BTD: variants seen among roughly 807,000 people sequenced by gnomAD.
BTD encodes biotinidase.
In BTD, 13 loss-of-function variants were observed where a neutral mutation model predicts 17.7. That is an observed-to-expected ratio of 0.74 (90% CI 0.48 to 1.17). BTD has a LOEUF of 1.17. Ranked by LOEUF, BTD falls within the 50% of genes most tolerant of loss-of-function variation. The pLI is 0.00. For synonymous variants in BTD, 240 were observed against 245.2 expected (o/e 0.98, Z 0.20); for missense variants, 674 against 650.4 (o/e 1.04, Z -0.39).
chr3:15,678,039 C>A (rs563002727), intron 3 of BTD, among the ~76,000 whole-genome samples: 1 of 152,198 alleles, frequency 6.6e-6, no homozygotes, highest in East Asian at 1.9e-4. Context: ...ATAGTCAGGG[C>A]AAACTAAAAC....
chr3:15,676,698 ATAG>A lies in BTD; in HGVS notation c.400-33359_400-33357del, dbSNP rs2066975592. ...AGTTGATTTCCACAGAATACACAAA[ATAG>A]TACTACTTTCCTTCAGAAAATTAGG... On this transcript the variant is annotated intron_variant, in intron 3 of 3. Transcript: ENST00000672141. The A allele has an allele frequency of 3.1e-5, 9 of 293,644 alleles. No individual in the cohort carries two copies. The South Asian group carries it at 3.8e-4, about 12-fold the overall frequency. The allele number at this position is 293,644 out of a possible 1,614,324, so 18.2% of individuals were successfully genotyped here. A position where few individuals can be genotyped will look rare whatever the true frequency, so the allele number is the denominator to read the frequency against.
chr3:15,629,921 A>T, intron 1 of BTD: 1 of 460,260 alleles, frequency 2.2e-6, no homozygotes, highest in Non-Finnish European at 2.9e-6. Context: ...GAAGATAAAA[A>T]AATAATAATA....
In BTD at chr3:15,648,252, AGTG is replaced by A. The variant is rs2065739231; in HGVS notation, c.*2766_*2768del. Among the ~76,000 whole-genome samples, 1 of 133,134 alleles carries A rather than the reference AGTG, an allele frequency of 7.5e-6. No individual in the cohort carries two copies. Among genetic ancestry groups the A allele is most frequent in the African/African-American group, 2.8e-5 (1 of 35,466 alleles). 87.3% of individuals were successfully genotyped at this position (133,134 alleles called of 152,430 possible). On this transcript the variant is annotated 3_prime_UTR_variant, in exon 4 of 4. Coordinates refer to ENST00000643237, the MANE Select transcript of BTD (RefSeq NM_001370658.1). ...CACTCAAAGAACAATTTCTCAACAA[AGTG>A]GATTTATATAGGACAAAATAGGCAT...
chr3:15,631,103 A>G (rs1197464925), intron 1 of BTD, among the ~76,000 whole-genome samples: 27 of 152,250 alleles, frequency 1.8e-4, no homozygotes, highest in Admixed American at 1.8e-3. Flanking sequence ...CACGAAATTC[A>G]TGAGAATAAT....
At chr3:15,720,779 C>G in intron 4 of BTD, 1 of 812,288 alleles carries the variant, frequency 1.2e-6, no homozygotes, top group Non-Finnish European at 1.9e-6. Context: ...GGCTTTCACT[C>G]AGCATAATAT....
At chr3:15,627,242 C>T (rs1260105737) in intron 1 of BTD, among the ~76,000 whole-genome samples, 3 of 152,184 alleles carry the variant, frequency 2.0e-5, no homozygotes, top group African/African-American at 4.8e-5. Flanking sequence ...GCACCAGGAC[C>T]CATTTGCCTG....
At chr3:15,601,994 A>G in intron 1 of BTD, 100 bp downstream of exon 1, 2 of 1,555,154 alleles carry the variant, frequency 1.3e-6, no homozygotes, top group Middle Eastern at 2.4e-4. Context: ...GGGCTGCGCA[A>G]AGGCTGCCGG....
intron 3 of BTD, chr3:15,678,164 G>T: frequency 6.5e-7 from 1 of 1,540,150 alleles, no homozygotes; most frequent in Non-Finnish European, 8.8e-7. Context: ...ATACATAAGT[G>T]ATACACATAC....
chr3:15,642,768 TC>T (rs2065557883), intron 3 of BTD, among the ~76,000 whole-genome samples: 1 of 152,064 alleles, frequency 6.6e-6, no homozygotes, highest in Non-Finnish European at 1.5e-5. Flanking sequence ...GGCCTTGACA[TC>T]CTCTTTTTAA....
intron 3 of BTD, among the ~76,000 whole-genome samples, chr3:15,701,684 A>G (rs1007099782): frequency 1.3e-5 from 2 of 151,988 alleles, no homozygotes; most frequent in African/African-American, 4.8e-5. Context: ...AAAAGGTTAA[A>G]GTGGGTATCA....
At chr3:15,661,667 A>G (rs994582421) in intron 3 of BTD, among the ~76,000 whole-genome samples, 2 of 152,086 alleles carry the variant, frequency 1.3e-5, no homozygotes, top group Admixed American at 6.6e-5. Flanking sequence ...CTAGCTTATC[A>G]TTTTTCATGG....
intron 3 of BTD, among the ~76,000 whole-genome samples, chr3:15,700,907 A>T (rs1315447197): frequency 2.0e-5 from 3 of 152,212 alleles, no homozygotes; most frequent in Non-Finnish European, 4.4e-5. Flanking sequence ...TATTCATTTG[A>T]TACATGGAGA....
In BTD at chr3:15,665,572, CA is replaced by C. The variant is rs1278693035; in HGVS notation, c.399+23517del. On this transcript the variant is annotated intron_variant, in intron 3 of 3. Coordinates refer to the BTD transcript ENST00000672141. ...GGAACAGGAACAAAGGAAAGGCTAC[CA>C]AGCATTCCCATGGAAAAGTTGAAAC... 9.2e-5 allele frequency among the ~76,000 whole-genome samples: 14 copies of C among 152,310 alleles called. No individual in the cohort carries two copies. The East Asian group carries it at 2.7e-3, about 29-fold the overall frequency.
chr3:15,713,288 C>T (rs761903314), downstream of BTD, among the ~76,000 whole-genome samples: 7 of 152,060 alleles, frequency 4.6e-5, no homozygotes, highest in African/African-American at 7.2e-5. Flanking sequence ...ATCAAAACTG[C>T]GTTATTACTC....
rs182322913 is a variant in BTD at position 15,650,864 on chromosome 3, A to G, written c.*5376A>G. Among the ~76,000 whole-genome samples the G allele has an allele frequency of 4.4e-3, 671 of 152,168 alleles. 8 individuals carry two copies. Among genetic ancestry groups the G allele is most frequent in the South Asian group, 0.015 (73 of 4,818 alleles). ...GGCTCACTGCAAGCTCTGCCTCCCG[A>G]GTTCAAGCGATTCTCCTGCCTCAGC... is the stretch of plus-strand genomic sequence containing the variant. On this transcript the variant is annotated 3_prime_UTR_variant, in exon 4 of 4. Transcript: ENST00000643237.
chr3:15,629,213 A>G (rs867879272), intron 1 of BTD, among the ~76,000 whole-genome samples: 63 of 152,120 alleles, frequency 4.1e-4, no homozygotes, highest in African/African-American at 1.4e-3. Context: ...AATAGGAGTC[A>G]GAATATAGGA....
intron 3 of BTD, among the ~76,000 whole-genome samples, chr3:15,664,283 T>A (rs1370727328): frequency 2.0e-5 from 3 of 152,234 alleles, no homozygotes; most frequent in Non-Finnish European, 4.4e-5. Flanking sequence ...GGTTTTTGCC[T>A]CACATACTTT....
chr3:15,621,410 AT>A (rs1379624426), intron 1 of BTD, among the ~76,000 whole-genome samples: 1 of 152,178 alleles, frequency 6.6e-6, no homozygotes, highest in African/African-American at 2.4e-5. Flanking sequence ...ATAGTAGAGA[AT>A]TGGTATAATT....
downstream of BTD, among the ~76,000 whole-genome samples, chr3:15,714,840 T>C (rs1006837094): frequency 6.6e-6 from 1 of 152,144 alleles, no homozygotes; most frequent in African/African-American, 2.4e-5. Context: ...AGCACGTGTA[T>C]CATAAAACAC....
Sources: gnomAD v4.1 joint callset for allele counts (sites outside exome capture counted in the v4.1 genomes callset) on GRCh38, gnomAD v4.1.1 for gene constraint, MANE v1.5 for transcripts, NCBI Gene and HGNC (gene_info 2026-07-23, HGNC 2026-07-21) for gene names.